TCF12: variants seen among roughly 807,000 people sequenced by gnomAD.
TCF12 encodes DNA-binding protein HTF4.
A neutral mutation model predicts 86.0 loss-of-function variants in TCF12; 45 were observed. That is an observed-to-expected ratio of 0.52 (90% CI 0.41 to 0.67). The LOEUF (loss-of-function observed/expected upper bound fraction) is 0.67, where lower values mean the gene tolerates loss of function less well. Ranked by LOEUF, TCF12 falls within the 30% of genes least tolerant of loss-of-function variation. TCF12 has a pLI of 0.00. For synonymous variants in TCF12, 330 were observed against 299.6 expected (o/e 1.10, Z -1.05); for missense variants, 881 against 859.9 (o/e 1.02, Z -0.31).
Position 57,123,355 on chromosome 15 carries a change from T to A in TCF12, c.325+31464T>A, listed in dbSNP as rs551579974. ...AATGTTTAAAATTTTTTAATTTCCT[T>A]GTTTCTTTAAATGATTTATTTGGGA... On this transcript the variant is annotated intron_variant, in intron 5 of 20. Coordinates refer to ENST00000333725, the MANE Select transcript of TCF12 (RefSeq NM_207037.2). 2.6e-5 allele frequency among the ~76,000 whole-genome samples: 4 copies of A among 152,354 alleles called. No individual in the cohort carries two copies. In the East Asian group the frequency reaches 7.7e-4, roughly 29 times the overall value.
At chr15:57,247,109 G>A (rs1303294554) in intron 13 of TCF12, 42 of 571,590 alleles carry the variant, frequency 7.3e-5, no homozygotes, top group South Asian at 3.3e-4. Flanking sequence ...CACCACCACC[G>A]TAGTTACCAC....
At chr15:56,929,817 G>T (rs2060168153) in intron 3 of TCF12, among the ~76,000 whole-genome samples, 2 of 151,920 alleles carry the variant, frequency 1.3e-5, no homozygotes, top group African/African-American at 4.8e-5. Context: ...GGGATAATTT[G>T]GCCCAAGATG....
At chr15:57,076,146 G>T (rs1824377160) in intron 4 of TCF12, among the ~76,000 whole-genome samples, 1 of 151,804 alleles carries the variant, frequency 6.6e-6, no homozygotes, top group Non-Finnish European at 1.5e-5. Flanking sequence ...ATGAGCCACT[G>T]CGTTCGGATG....
intron 3 of TCF12, among the ~76,000 whole-genome samples, chr15:57,040,637 A>G (rs912999249): frequency 6.6e-6 from 1 of 152,190 alleles, no homozygotes; most frequent in Admixed American, 6.5e-5. Context: ...TCTTTACCCT[A>G]TGGTTTATTT....
At chr15:57,164,916 G>C (rs1444229676) in intron 5 of TCF12, among the ~76,000 whole-genome samples, 1 of 152,102 alleles carries the variant, frequency 6.6e-6, no homozygotes, top group African/African-American at 2.4e-5. Flanking sequence ...CCTGACCTCA[G>C]GTTATCCGCC....
intron 5 of TCF12, among the ~76,000 whole-genome samples, chr15:57,155,214 T>C (rs531595355): frequency 3.5e-4 from 53 of 152,318 alleles, no homozygotes; most frequent in African/African-American, 1.2e-3. Flanking sequence ...ATTTTTTCCT[T>C]CCATCCTTCA....
At chr15:56,984,280 G>T (rs111303337) in intron 3 of TCF12, among the ~76,000 whole-genome samples, 2 of 150,158 alleles carry the variant, frequency 1.3e-5, no homozygotes, top group African/African-American at 5.0e-5. Flanking sequence ...GTGTGTGTGT[G>T]TGTGTGTGTG....
At chr15:57,231,884 CTTCTTT>C (rs1713964009) in intron 9 of TCF12, among the ~76,000 whole-genome samples, 1 of 152,096 alleles carries the variant, frequency 6.6e-6, no homozygotes. Context: ...ATTAGAAAAA[CTTCTTT>C]GTTCCACAGT....
intron 18 of TCF12, among the ~76,000 whole-genome samples, chr15:57,271,791 C>T (rs1275038624): frequency 1.3e-5 from 2 of 152,086 alleles, no homozygotes; most frequent in East Asian, 3.8e-4. Flanking sequence ...TTTATTGAGG[C>T]TTAATACACA....
At chr15:57,111,522 C>A (rs1292177925) in intron 5 of TCF12, among the ~76,000 whole-genome samples, 2 of 151,742 alleles carry the variant, frequency 1.3e-5, no homozygotes, top group African/African-American at 4.8e-5. Context: ...GGAGGCCCAA[C>A]TCCCATCTCC....
intron 4 of TCF12, among the ~76,000 whole-genome samples, chr15:57,089,271 G>A (rs574750196): frequency 1.3e-5 from 2 of 152,262 alleles, no homozygotes; most frequent in East Asian, 3.9e-4. Flanking sequence ...TTAAATCAGA[G>A]AAATTGTGCC....
At chr15:57,180,671 G>A (rs1479859681) in intron 6 of TCF12, among the ~76,000 whole-genome samples, 1 of 151,838 alleles carries the variant, frequency 6.6e-6, no homozygotes, top group African/African-American at 2.4e-5. Context: ...CACAGCAGAG[G>A]TTCCATGAAT....
At chr15:57,230,893 C>T (rs1186084572) in intron 8 of TCF12, among the ~76,000 whole-genome samples, 1 of 151,594 alleles carries the variant, frequency 6.6e-6, no homozygotes, top group Non-Finnish European at 1.5e-5. Flanking sequence ...CTTGGTGTAA[C>T]TGTCATACCA....
At chr15:57,080,781 A>T (rs1301689813) in intron 4 of TCF12, among the ~76,000 whole-genome samples, 4 of 152,182 alleles carry the variant, frequency 2.6e-5, no homozygotes, top group Non-Finnish European at 5.9e-5. Flanking sequence ...ATGAATATTA[A>T]TTCTTAACTA....
intron 4 of TCF12, among the ~76,000 whole-genome samples, chr15:57,065,996 A>G (rs1463367005): frequency 6.6e-6 from 1 of 151,962 alleles, no homozygotes; most frequent in Non-Finnish European, 1.5e-5. Context: ...TCTTTCACTA[A>G]TTTTTCTCCT....
At chr15:57,057,547 A>C (rs1247980733) in intron 3 of TCF12, among the ~76,000 whole-genome samples, 1 of 152,216 alleles carries the variant, frequency 6.6e-6, no homozygotes, top group Non-Finnish European at 1.5e-5. Flanking sequence ...GTTGATAGCA[A>C]GCTAGCTAGA....
At chr15:57,235,192 AT>A (rs2059329760) in intron 12 of TCF12, among the ~76,000 whole-genome samples, 1 of 152,206 alleles carries the variant, frequency 6.6e-6, no homozygotes, top group South Asian at 2.1e-4. Context: ...TATAATAATA[AT>A]AGTAATGACA....
intron 3 of TCF12, among the ~76,000 whole-genome samples, chr15:57,021,319 G>T (rs1189200950): frequency 6.6e-6 from 1 of 152,190 alleles, no homozygotes; most frequent in Non-Finnish European, 1.5e-5. Context: ...GGAAGGCATG[G>T]GTAAGCTCTG....
chr15:57,013,622 A>T (rs1271153206), intron 3 of TCF12, among the ~76,000 whole-genome samples: 1 of 152,218 alleles, frequency 6.6e-6, no homozygotes, highest in East Asian at 1.9e-4. Flanking sequence ...CCTCTGGCCC[A>T]GTTGAAGTGT....
Sources: gnomAD v4.1 joint callset for allele counts (sites outside exome capture counted in the v4.1 genomes callset) on GRCh38, gnomAD v4.1.1 for gene constraint, MANE v1.5 for transcripts, NCBI Gene and HGNC (gene_info 2026-07-23, HGNC 2026-07-21) for gene names.